The following PKP2 variants were observed in gnomAD, a reference collection of about 807,000 sequenced individuals.
PKP2 encodes the protein plakophilin 2, also known as plakophilin-2.
A neutral mutation model predicts 83.4 loss-of-function variants in PKP2; 73 were observed. That is an observed-to-expected ratio of 0.88 (90% CI 0.72 to 1.06). The LOEUF (loss-of-function observed/expected upper bound fraction) is 1.06, where lower values mean the gene tolerates loss of function less well. PKP2 is among the 50% of genes least tolerant of loss of function. The probability of loss-of-function intolerance (pLI) is 0.00; values close to 1 mark genes in which losing one functional copy is unlikely to be tolerated. For synonymous variants in PKP2, 409 were observed against 430.4 expected, an observed-to-expected ratio of 0.95 and a Z score of 0.62; for missense variants, 966 against 1,065.4, an observed-to-expected ratio of 0.91 and a Z score of 1.30.
chr12:32,889,798 G>A (rs1160459044), intron 1 of PKP2, among the ~76,000 whole-genome samples: 3 of 152,100 alleles, frequency 2.0e-5, no homozygotes, highest in Non-Finnish European at 4.4e-5. Flanking sequence ...AGCAGACTTT[G>A]GGCCAGGTGC....
intron 1 of PKP2, among the ~76,000 whole-genome samples, chr12:32,890,947 C>T (rs1229128679): frequency 4.2e-5 from 5 of 118,446 alleles, no homozygotes; most frequent in South Asian, 2.5e-4. Context: ...GCAACAAGAG[C>T]GAAACAAAAA....
chr12:32,824,110 C>G lies in PKP2; in HGVS notation c.1609G>C (p.Gly537Arg). Residue 537 changes from glycine to arginine, a missense_variant, in exon 7 of 13, where the codon GGA (glycine) becomes CGA (arginine). Gly to Arg is a moderately radical substitution (Grantham distance 125, BLOSUM62 -2). Coordinates refer to ENST00000340811, the MANE Select transcript of PKP2 (RefSeq NM_001005242.3). Reference protein sequence around the residue: ...DGRKAMRRCDGLIDSLVHYVR... With the variant: ...DGRKAMRRCDRLIDSLVHYVR... Reference sequence around the variant, plus strand: ...TAATGGACCAGTGAGTCAATGAGTCCGTCACATCTTCTCATCGCTTTTCTC... The same window carrying G: ...TAATGGACCAGTGAGTCAATGAGTCGGTCACATCTTCTCATCGCTTTTCTC... The G allele has an allele frequency of 6.2e-7, 1 of 1,613,362 alleles. No individual in the cohort carries two copies. Among genetic ancestry groups the G allele is most frequent in the South Asian group, 1.1e-5 (1 of 91,070 alleles).
At position 32,879,032 on chromosome 12, in the gene PKP2, C is replaced by T. The variant is rs267603443; in HGVS notation, c.224G>A (p.Gly75Glu). 3 of 1,493,178 alleles carry T rather than the reference C, an allele frequency of 2.0e-6. No homozygotes were observed. The highest frequency in any genetic ancestry group is 2.8e-5 in the African/African-American group (2 of 72,422). The allele number at this position is 1,493,178 out of a possible 1,614,324, so 92.5% of individuals were successfully genotyped here. Reference sequence around the variant, plus strand: ...AACACTGCTGGTTCGGTGAAGATTTCCTGCAATCAAGCAAATATTAAAATA... The same window carrying T: ...AACACTGCTGGTTCGGTGAAGATTTTCTGCAATCAAGCAAATATTAAAATA... ...ARKGRSSVGN[G>E]NLHRTSSVPE... The change falls in exon 2 of 13, where the codon GGA becomes GAA. Residue 75 changes from glycine to glutamate, a missense_variant and splice_region_variant. Gly to Glu is a moderately conservative substitution (Grantham distance 98, BLOSUM62 -2). Coordinates refer to ENST00000340811, the MANE Select transcript of PKP2 (RefSeq NM_001005242.3).
intron 6 of PKP2, among the ~76,000 whole-genome samples, chr12:32,826,255 G>A (rs548220696): frequency 7.7e-5 from 11 of 143,686 alleles, no homozygotes; most frequent in South Asian, 6.7e-4. Context: ...GCAGTGAGCC[G>A]AGATCGTGCC....
At chr12:32,880,902 T>C (rs1200847086) in intron 1 of PKP2, among the ~76,000 whole-genome samples, 1 of 152,216 alleles carries the variant, frequency 6.6e-6, no homozygotes, top group Non-Finnish European at 1.5e-5. Context: ...TTCTGTCATG[T>C]AGCATTTTTT....
intron 10 of PKP2, among the ~76,000 whole-genome samples, chr12:32,797,700 T>C (rs973220638): frequency 5.3e-5 from 8 of 151,236 alleles, no homozygotes; most frequent in African/African-American, 1.9e-4. Context: ...GGATTACAGG[T>C]GCCCGCCACC....
chr12:32,833,850 A>G (rs997947119), intron 6 of PKP2, among the ~76,000 whole-genome samples: 1 of 152,202 alleles, frequency 6.6e-6, no homozygotes, highest in Non-Finnish European at 1.5e-5. Flanking sequence ...GGCCTTCACA[A>G]AGCAGACTGC....
At chr12:32,886,066 A>G (rs1957027359) in intron 1 of PKP2, among the ~76,000 whole-genome samples, 1 of 152,246 alleles carries the variant, frequency 6.6e-6, no homozygotes, top group Admixed American at 6.5e-5. Context: ...GGTTAAATGT[A>G]ACCACAGAAA....
At position 32,791,251 on chromosome 12, in the gene PKP2, A is replaced by C. The variant is rs890846311; in HGVS notation, c.*1173T>G. 3 of 152,194 alleles carry C rather than the reference A, an allele frequency of 2.0e-5. No homozygotes were observed. Among genetic ancestry groups the C allele is most frequent in the Non-Finnish European group, 2.9e-5 (2 of 68,042 alleles). The allele number at this position is 152,194 out of a possible 1,614,324, so 9.4% of individuals were successfully genotyped here. On this transcript the variant is annotated 3_prime_UTR_variant, in exon 13 of 13. Coordinates refer to ENST00000340811, the MANE Select transcript of PKP2 (RefSeq NM_001005242.3). ...ACCATTTAAAATATCAGTATTTCTC[A>C]TATCATTTCTGGATGGTCTTGACAC...
At chr12:32,835,049 T>A (rs1202294681) in intron 6 of PKP2, among the ~76,000 whole-genome samples, 2 of 150,022 alleles carry the variant, frequency 1.3e-5, no homozygotes, top group African/African-American at 4.9e-5. Context: ...GACAGCCATT[T>A]CTTTTTTTTT....
intron 1 of PKP2, among the ~76,000 whole-genome samples, chr12:32,889,837 T>C (rs551852005): frequency 1.4e-4 from 22 of 152,174 alleles, no homozygotes; most frequent in African/African-American, 5.3e-4. Flanking sequence ...TCCCAGCACT[T>C]TGGGAGGCCG....
chr12:32,856,774 T>A (rs926016357), intron 4 of PKP2, among the ~76,000 whole-genome samples: 7 of 151,596 alleles, frequency 4.6e-5, no homozygotes, highest in African/African-American at 1.5e-4. Flanking sequence ...AAAAGAAGAT[T>A]CAAAGAGTGT....
At position 32,888,893 on chromosome 12, in the gene PKP2, C is replaced by T. The variant is rs758982569; in HGVS notation, c.223+7616G>A. Among the ~76,000 whole-genome samples the T allele has an allele frequency of 3.3e-5, 5 of 150,982 alleles. No homozygotes were observed. The East Asian group carries it at 7.8e-4, about 24-fold the overall frequency. ...GCAGCCTTGAACTCCTGGCCTCAGG[C>T]GATTCTCCTGTCTCGGCCTCTCAAA... On this transcript the variant is annotated intron_variant, in intron 1 of 12. Coordinates refer to ENST00000340811, the MANE Select transcript of PKP2 (RefSeq NM_001005242.3).
chr12:32,835,572 G>GA (rs1402689047), intron 6 of PKP2, among the ~76,000 whole-genome samples: 2 of 151,276 alleles, frequency 1.3e-5, no homozygotes, highest in African/African-American at 2.4e-5. Flanking sequence ...AAAAAAGAAA[G>GA]AAAAAAAAGC....
intron 9 of PKP2, among the ~76,000 whole-genome samples, chr12:32,818,377 C>T (rs2892685): frequency 0.73 from 111,114 of 152,050 alleles, 41,605 homozygotes; most frequent in Non-Finnish European, 0.82. Flanking sequence ...ACGAGAATTA[C>T]TTGAACCCAG....
intron 3 of PKP2, among the ~76,000 whole-genome samples, chr12:32,876,641 C>T (rs1956934643): frequency 6.6e-6 from 1 of 152,058 alleles, no homozygotes; most frequent in African/African-American, 2.4e-5. Context: ...GTAATCCTCC[C>T]GCCTCAGCCT....
intron 9 of PKP2, among the ~76,000 whole-genome samples, chr12:32,808,385 T>C (rs981766755): frequency 6.6e-6 from 1 of 152,238 alleles, no homozygotes; most frequent in Admixed American, 6.5e-5. Context: ...AAGTCAGTTA[T>C]GTTCCTCTCT....
chr12:32,827,824 C>G (rs73090752), intron 6 of PKP2, among the ~76,000 whole-genome samples: 8 of 152,246 alleles, frequency 5.3e-5, no homozygotes, highest in African/African-American at 1.9e-4. Flanking sequence ...TAATTTAGTG[C>G]CTGTCGTTTG....
intron 8 of PKP2, 187 bp from the exon 9 acceptor site, chr12:32,821,716 T>C: frequency 1.7e-6 from 1 of 594,580 alleles, no homozygotes; most frequent in Non-Finnish European, 2.9e-6. Flanking sequence ...CCCATAATGA[T>C]TATTTCTTCC....
Sources: allele counts gnomAD v4.1 joint callset (sites outside exome capture counted in the v4.1 genomes callset), GRCh38; gene constraint gnomAD v4.1.1; transcripts MANE v1.5; gene names NCBI Gene and HGNC (gene_info 2026-07-23, HGNC 2026-07-21).